The following CNTN4 variants were observed in gnomAD, a reference collection of about 807,000 sequenced individuals.
CNTN4 encodes the protein contactin 4, also known as contactin-4.
Under a neutral mutation model 122.5 loss-of-function variants are expected in CNTN4, and 77 were observed. That is an observed-to-expected ratio of 0.63 (90% confidence interval 0.52 to 0.76). The LOEUF (loss-of-function observed/expected upper bound fraction) is 0.76. CNTN4 is among the 30% of genes least tolerant of loss of function. The pLI is 0.00. For synonymous variants in CNTN4, 512 were observed against 447.0 expected, an observed-to-expected ratio of 1.15 and a Z score of -1.83; for missense variants, 1,256 against 1,259.1, an observed-to-expected ratio of 1.00 and a Z score of 0.04.
chr3:2,950,698 T>C (rs1356064521), intron 13 of CNTN4, among the ~76,000 whole-genome samples: 1 of 152,240 alleles, frequency 6.6e-6, no homozygotes, highest in Non-Finnish European at 1.5e-5. Context: ...GCTTTATGAA[T>C]GTGGAGGATG....
chr3:2,401,680 A>C (rs1038994525), intron 3 of CNTN4, among the ~76,000 whole-genome samples: 1 of 152,130 alleles, frequency 6.6e-6, no homozygotes, highest in East Asian at 1.9e-4. Context: ...ATTAGGAGTG[A>C]ACAGTGCACA....
chr3:2,882,442 G>T (rs183625640), intron 8 of CNTN4, among the ~76,000 whole-genome samples: 1 of 152,156 alleles, frequency 6.6e-6, no homozygotes, highest in Non-Finnish European at 1.5e-5. Flanking sequence ...TAGTTTGTTA[G>T]ACTGTGTTAC....
At chr3:2,830,184 C>T (rs577716257) in intron 7 of CNTN4, among the ~76,000 whole-genome samples, 1 of 152,292 alleles carries the variant, frequency 6.6e-6, no homozygotes, top group Non-Finnish European at 1.5e-5. Flanking sequence ...CCCAGCTTCT[C>T]TCCTGACAGT....
chr3:3,054,304 T>G (rs1448429622), intron 24 of CNTN4, among the ~76,000 whole-genome samples: 1 of 7,018 alleles, frequency 1.4e-4, no homozygotes, highest in Non-Finnish European at 1.1e-3. Context: ...GTGAAAAGCA[T>G]TGACTCAGTC....
intron 17 of CNTN4, 97 bp from the exon 18 acceptor site, chr3:3,037,082 G>C (rs1699677842): frequency 1.5e-6 from 2 of 1,374,216 alleles, no homozygotes; most frequent in Non-Finnish European, 2.1e-6. Flanking sequence ...ATACAATAAT[G>C]ATGAGGATGG....
At position 2,885,395 on chromosome 3, in the gene CNTN4, G is replaced by A. The variant is rs539223744; in HGVS notation, c.756-1645G>A. On this transcript the variant is annotated intron_variant, in intron 9 of 24. Coordinates refer to ENST00000418658, the MANE Select transcript of CNTN4 (RefSeq NM_175607.3). The stretch of plus-strand genomic sequence containing the variant: ...CTTTCTTTCTCTCACTATTTTAAGC[G>A]AAGTTTCCCCAACCCATCTTGCAAA... 4.6e-5 allele frequency among the ~76,000 whole-genome samples: 7 copies of A among 152,210 alleles called. 1 individual carries two copies. The highest frequency in any genetic ancestry group is 2.1e-4 in the South Asian group (1 of 4,826).
At chr3:2,121,846 T>A (rs992048160) in intron 2 of CNTN4, among the ~76,000 whole-genome samples, 2 of 152,088 alleles carry the variant, frequency 1.3e-5, no homozygotes, top group Non-Finnish European at 2.9e-5. Flanking sequence ...GTCTGAACTT[T>A]CCATTTCAGT....
intron 3 of CNTN4, among the ~76,000 whole-genome samples, chr3:2,370,328 T>G (rs576931276): frequency 6.6e-6 from 1 of 152,304 alleles, no homozygotes; most frequent in East Asian, 1.9e-4. Flanking sequence ...GATATTATGT[T>G]GAAGAGAAAT....
In CNTN4 at chr3:2,709,865, A is replaced by G. The variant is rs558143396; in HGVS notation, c.56-26350A>G. 6.6e-5 allele frequency among the ~76,000 whole-genome samples: 10 copies of G among 152,148 alleles called. No homozygotes were observed. The South Asian group carries it at 1.2e-3, about 19-fold the overall frequency. On this transcript the variant is annotated intron_variant, in intron 4 of 24. Transcript: ENST00000418658. This position sits in a 1 kb window ranked among gnomAD's most constrained non-coding sequence, Gnocchi z 5.0. Reference sequence around the variant, plus strand: ...CAGTGAGCTGAGACTGCGCCACTGCACTCCAGCCTGGGTGACAGGGCAAGA... The same window carrying G: ...CAGTGAGCTGAGACTGCGCCACTGCGCTCCAGCCTGGGTGACAGGGCAAGA...
chr3:2,841,602 T>G lies in CNTN4; in HGVS notation c.454+22021T>G, dbSNP rs892449781. Among the ~76,000 whole-genome samples, 2 of 152,214 alleles carry G rather than the reference T, an allele frequency of 1.3e-5. No homozygotes were observed. The highest frequency in any genetic ancestry group is 3.8e-4 in the East Asian group (2 of 5,206). On this transcript the variant is annotated intron_variant, in intron 7 of 24. Coordinates refer to ENST00000418658, the MANE Select transcript of CNTN4 (RefSeq NM_175607.3). This position sits in a 1 kb window ranked among gnomAD's most constrained non-coding sequence, Gnocchi z 4.8. ...GCCATTGGCTTCGGGATTTGGTTAT[T>G]TCCTCAACCCTTTGTGAAGAAATCT...
intron 2 of CNTN4, among the ~76,000 whole-genome samples, chr3:2,135,682 GGT>G (rs755417946): frequency 6.6e-6 from 1 of 152,094 alleles, no homozygotes; most frequent in Non-Finnish European, 1.5e-5. Context: ...CAGATGAAGG[GGT>G]GCTATGGGAA....
At chr3:2,169,802 C>A (rs186457424) in intron 2 of CNTN4, among the ~76,000 whole-genome samples, 3 of 152,148 alleles carry the variant, frequency 2.0e-5, no homozygotes, top group Admixed American at 2.0e-4. Flanking sequence ...AACAAATACT[C>A]TTTATCAATG....
chr3:2,679,735 C>G (rs929587223), intron 4 of CNTN4, among the ~76,000 whole-genome samples: 2 of 152,284 alleles, frequency 1.3e-5, no homozygotes, highest in African/African-American at 4.8e-5. Flanking sequence ...CCAACATTCT[C>G]AGACCTTATC....
intron 16 of CNTN4, 113 bp downstream of exon 16, chr3:3,031,088 G>C (rs1230711722): frequency 7.3e-7 from 1 of 1,366,002 alleles, no homozygotes; most frequent in African/African-American, 1.4e-5. Flanking sequence ...TCAGGCAGAA[G>C]CTGAACATTG....
At chr3:2,550,845 C>G (rs1035874485) in intron 3 of CNTN4, among the ~76,000 whole-genome samples, 2 of 152,090 alleles carry the variant, frequency 1.3e-5, no homozygotes, top group Non-Finnish European at 2.9e-5. Flanking sequence ...CCAACTAACA[C>G]AAGAACAGAA....
At position 3,034,798 on chromosome 3, in the gene CNTN4, A is replaced by G. The variant is rs372885522; in HGVS notation, c.1942+8A>G. ...GGCAAGCAGTCAGTACAGGTACCAT[A>G]TTGGATGCTTGGCTCAGAGACATTG... On this transcript the variant is annotated splice_region_variant and intron_variant, in intron 17 of 24. Transcript: ENST00000418658. The G allele has an allele frequency of 2.5e-6, 4 of 1,614,006 alleles. No individual in the cohort carries two copies. In the East Asian group the frequency reaches 8.9e-5, roughly 36 times the overall value.
intron 3 of CNTN4, among the ~76,000 whole-genome samples, chr3:2,552,834 G>T (rs1040913904): frequency 3.9e-5 from 6 of 152,166 alleles, no homozygotes; most frequent in Non-Finnish European, 7.3e-5. Flanking sequence ...TGGGAGATGT[G>T]TTCAGAAGAG....
At position 2,770,939 on chromosome 3, in the gene CNTN4, T is replaced by G. The variant is rs13327258; in HGVS notation, c.358+25242T>G. ...ACTGTGTTTTCCTCATTTTTTGGTT[T>G]GCTTTTCTATTAAAAATTCAGAGAG... On this transcript the variant is annotated intron_variant, in intron 6 of 24. Transcript: ENST00000418658. Among the ~76,000 whole-genome samples the G allele has an allele frequency of 9.7e-3, 1,472 of 152,338 alleles. 24 individuals carry two copies. The highest frequency in any genetic ancestry group is 0.034 in the African/African-American group (1,404 of 41,562).
At chr3:2,968,833 G>A (rs1006856199) in intron 13 of CNTN4, among the ~76,000 whole-genome samples, 2 of 152,130 alleles carry the variant, frequency 1.3e-5, no homozygotes, top group African/African-American at 4.8e-5. Context: ...GCCATTTGAT[G>A]CATCATCTAT....
Sources: allele counts gnomAD v4.1 joint callset (sites outside exome capture counted in the v4.1 genomes callset), GRCh38; gene constraint gnomAD v4.1.1; non-coding constraint Gnocchi (gnomAD v3.1); transcripts MANE v1.5; gene names NCBI Gene and HGNC (gene_info 2026-07-23, HGNC 2026-07-21).